The following CECR2 variants were observed in gnomAD, a reference collection of about 807,000 sequenced individuals.
The protein encoded by CECR2 is chromatin remodeling regulator CECR2.
CECR2 carries 30 observed loss-of-function variants against 154.5 expected under a neutral mutation model. The ratio of observed to expected loss-of-function variants is 0.19; its 90% CI spans 0.15 to 0.26. The LOEUF (loss-of-function observed/expected upper bound fraction) is 0.26. Among genes scored for constraint, CECR2 ranks in the 10% least tolerant of loss-of-function variants. The probability of loss-of-function intolerance (pLI) is 1.00; values close to 1 mark genes in which losing one functional copy is unlikely to be tolerated. For missense variants in CECR2, 1,743 were observed against 1,829.3 expected, an observed-to-expected ratio of 0.95 and a Z score of 0.86; for synonymous variants, 725 against 683.7, an observed-to-expected ratio of 1.06 and a Z score of -0.94.
intron 17 of CECR2, chr22:17,550,265 AT>A (rs1443217427): frequency 7.3e-5 from 13 of 177,896 alleles, no homozygotes; most frequent in African/African-American, 2.9e-4. Context: ...CTCCTGCCTC[AT>A]CCTCCCAAGT....
chr22:17,505,690 C>T (rs2055829793), intron 7 of CECR2, among the ~76,000 whole-genome samples: 1 of 151,734 alleles, frequency 6.6e-6, no homozygotes, highest in African/African-American at 2.4e-5. Flanking sequence ...CACACCACCA[C>T]CACGCCCAGC....
intron 7 of CECR2, among the ~76,000 whole-genome samples, chr22:17,505,835 CTTTTTT>C (rs3994825): frequency 1.2e-5 from 1 of 84,552 alleles, no homozygotes; most frequent in Non-Finnish European, 2.1e-5. Context: ...CTGCACCCGG[CTTTTTT>C]TTTTTTTTTT....
intron 1 of CECR2, among the ~76,000 whole-genome samples, chr22:17,376,866 G>T (rs2063125017): frequency 6.6e-6 from 1 of 152,038 alleles, no homozygotes; most frequent in Non-Finnish European, 1.5e-5. Flanking sequence ...TCAAACTCCT[G>T]ACCTCGTGAT....
At chr22:17,481,409 A>T (rs1006050851) in intron 2 of CECR2, among the ~76,000 whole-genome samples, 3 of 151,992 alleles carry the variant, frequency 2.0e-5, no homozygotes, top group Non-Finnish European at 4.4e-5. Context: ...TATAAAATGG[A>T]ATTAGTGACA....
chr22:17,524,405 T>A, intron 9 of CECR2, 134 bp downstream of exon 9: 1 of 1,123,088 alleles, frequency 8.9e-7, no homozygotes. Flanking sequence ...TTTTTTTTTT[T>A]TTTTTGAGAC....
Position 17,553,044 on chromosome 22 carries a change from C to A in CECR2, c.*204C>A. ...TGACTGACACACAGATTGCAAAGGT[C>A]CTCGGCCAGGGATCTCTTGCACAGC... On this transcript the variant is annotated 3_prime_UTR_variant, in exon 19 of 19. Coordinates refer to ENST00000262608, the MANE Select transcript of CECR2 (RefSeq NM_001290047.2). 1 of 1,240,672 alleles carries A rather than the reference C, an allele frequency of 8.1e-7. No individual in the cohort carries two copies. Among genetic ancestry groups the A allele is most frequent in the Non-Finnish European group, 1.0e-6 (1 of 959,424 alleles). 76.9% of individuals were successfully genotyped at this position (1,240,672 alleles called of 1,614,324 possible).
intron 1 of CECR2, among the ~76,000 whole-genome samples, chr22:17,408,183 A>G (rs2054013134): frequency 6.6e-6 from 1 of 152,028 alleles, no homozygotes; most frequent in Non-Finnish European, 1.5e-5. Context: ...CCTCAAAAGG[A>G]GAGACCCTGT....
chr22:17,408,677 C>T (rs1391950756), intron 1 of CECR2, among the ~76,000 whole-genome samples: 1 of 152,148 alleles, frequency 6.6e-6, no homozygotes, highest in Non-Finnish European at 1.5e-5. Flanking sequence ...AAAAGGTTAG[C>T]GAGGTAAAGA....
intron 1 of CECR2, among the ~76,000 whole-genome samples, chr22:17,470,630 T>A (rs1164018018): frequency 2.6e-5 from 4 of 152,118 alleles, no homozygotes; most frequent in African/African-American, 9.7e-5. Flanking sequence ...CTGGACAGGA[T>A]TAAAACTTAA....
Position 17,549,375 on chromosome 22 carries a change from A to G in CECR2, c.4088A>G (p.Tyr1363Cys), listed in dbSNP as rs776700328. 1 of 1,613,384 alleles carries G rather than the reference A, an allele frequency of 6.2e-7. No individual in the cohort carries two copies. Among genetic ancestry groups the G allele is most frequent in the Non-Finnish European group, 8.5e-7 (1 of 1,179,756 alleles). ...GCCAGTCACTTTCAGCCCAGGGCTT[A>G]CTCTTCCCCTGTGGCTGCCCTCCCA... ...RPASHFQPRA[Y>C]SSPVAALPPH... The change falls in exon 17 of 19, where the codon TAC becomes TGC. Residue 1363 changes from tyrosine (Y) to cysteine (C), a missense_variant. This residue lies in a region of CECR2 where 1,250 missense variants were observed against 1,192.1 expected (regional missense o/e 1.05). Coordinates refer to ENST00000262608, the MANE Select transcript of CECR2 (RefSeq NM_001290047.2).
chr22:17,464,686 G>A (rs1284267404), intron 1 of CECR2, among the ~76,000 whole-genome samples: 1 of 151,924 alleles, frequency 6.6e-6, no homozygotes. Flanking sequence ...TTTCTTTGTA[G>A]AGATGAGATC....
At chr22:17,484,630 A>G (rs1365152614) in intron 2 of CECR2, among the ~76,000 whole-genome samples, 1 of 152,084 alleles carries the variant, frequency 6.6e-6, no homozygotes, top group Admixed American at 6.6e-5. Context: ...GTCTGGCGCA[A>G]CGTCTCAAGC....
intron 1 of CECR2, among the ~76,000 whole-genome samples, chr22:17,406,429 A>G (rs1805951935): frequency 1.3e-5 from 2 of 152,230 alleles, no homozygotes; most frequent in South Asian, 4.1e-4. Flanking sequence ...AGGCTGAAGC[A>G]TGAGAATCAC....
chr22:17,469,904 T>TGG (rs1447293970), intron 1 of CECR2, among the ~76,000 whole-genome samples: 1 of 152,210 alleles, frequency 6.6e-6, no homozygotes, highest in Non-Finnish European at 1.5e-5. Context: ...AAAAGGTTAC[T>TGG]GGTTTTTTGC....
rs372513605 is a variant in CECR2 at position 17,477,673 on chromosome 22, G to A, written c.212G>A (p.Arg71Lys). ...CTGCTTCAGGGCTGCTATCAACGAA[G>A]AGATATCACGTGAGTAATTCTGATC... is the stretch of plus-strand genomic sequence containing the variant. ...ACLLQGCYQR[R>K]DITPQTFHSY... The change falls in exon 2 of 19, where the codon AGA becomes AAA. Residue 71 changes from arginine to lysine, a missense_variant. Around this residue, in one of 4 missense-constraint regions of CECR2, gnomAD observed 98 missense variants for 169.3 expected, o/e 0.58. Transcript: ENST00000262608. 6.2e-7 allele frequency: 1 copy of A among 1,603,858 alleles called. No homozygotes were observed. Among genetic ancestry groups the A allele is most frequent in the African/African-American group, 1.3e-5 (1 of 74,720 alleles).
At chr22:17,396,220 C>T (rs1432072505) in intron 1 of CECR2, among the ~76,000 whole-genome samples, 2 of 135,962 alleles carry the variant, frequency 1.5e-5, no homozygotes, top group Admixed American at 8.1e-5. Flanking sequence ...CTAGCCTGGG[C>T]GACAAGAGTG....
chr22:17,360,754 A>T (rs575758187), intron 1 of CECR2, among the ~76,000 whole-genome samples: 1 of 151,514 alleles, frequency 6.6e-6, no homozygotes, highest in East Asian at 1.9e-4. Flanking sequence ...CTGAGGCAGA[A>T]GAATCACTTG....
chr22:17,475,689 G>A (rs1478550455), intron 1 of CECR2, among the ~76,000 whole-genome samples: 1 of 152,088 alleles, frequency 6.6e-6, no homozygotes, highest in Non-Finnish European at 1.5e-5. Flanking sequence ...AATGAGATTG[G>A]CCTGGGAGTT....
intron 1 of CECR2, among the ~76,000 whole-genome samples, chr22:17,375,005 C>A (rs970392606): frequency 1.9e-4 from 29 of 152,130 alleles, no homozygotes; most frequent in African/African-American, 6.0e-4. Context: ...CACAGTGCAC[C>A]TCTAGAGTTC....
Sources: gnomAD v4.1 joint callset for allele counts (sites outside exome capture counted in the v4.1 genomes callset) on GRCh38, gnomAD v4.1.1 for gene constraint, gnomAD v4.1.1 regional missense constraint, MANE v1.5 for transcripts, NCBI Gene and HGNC (gene_info 2026-07-23, HGNC 2026-07-21) for gene names.